The following SYN2 variants were observed in gnomAD, a reference collection of about 807,000 sequenced individuals.
SYN2 encodes the protein synapsin II.
SYN2 carries 19 observed loss-of-function variants against 50.9 expected under a neutral mutation model. The ratio of observed to expected loss-of-function variants is 0.37; its 90% CI spans 0.26 to 0.55. The LOEUF (loss-of-function observed/expected upper bound fraction) is 0.55. SYN2 is among the 20% of genes least tolerant of loss of function. SYN2 has a pLI of 0.81. For synonymous variants in SYN2, 255 were observed against 224.9 expected (o/e 1.13, Z -1.20); for missense variants, 587 against 576.4 (o/e 1.02, Z -0.19).
intron 1 of SYN2, among the ~76,000 whole-genome samples, chr3:12,050,116 G>T (rs1247088743): frequency 6.6e-6 from 1 of 151,808 alleles, no homozygotes; most frequent in Non-Finnish European, 1.5e-5. Context: ...GGTCAGGCTG[G>T]TCTCGAACTC....
intron 1 of SYN2, among the ~76,000 whole-genome samples, chr3:12,119,070 C>T (rs73813128): frequency 0.079 from 12,061 of 152,172 alleles, 586 homozygotes; most frequent in African/African-American, 0.13. Context: ...TTCACAAACT[C>T]CATTTTTCCT....
At chr3:12,035,226 G>A (rs1694472644) in intron 1 of SYN2, among the ~76,000 whole-genome samples, 1 of 152,142 alleles carries the variant, frequency 6.6e-6, no homozygotes, top group African/African-American at 2.4e-5. Context: ...TCTGGGTCAG[G>A]GACTGGGCCC....
intron 1 of SYN2, among the ~76,000 whole-genome samples, chr3:12,038,964 G>A (rs1694556972): frequency 6.6e-6 from 1 of 152,140 alleles, no homozygotes; most frequent in South Asian, 2.1e-4. Context: ...GAAGTTGAGA[G>A]AATGGATATC....
intron 1 of SYN2, among the ~76,000 whole-genome samples, chr3:12,128,589 G>A (rs373462554): frequency 6.6e-6 from 1 of 152,138 alleles, no homozygotes; most frequent in Non-Finnish European, 1.5e-5. Flanking sequence ...ATATTATCAT[G>A]TGAATAAAAT....
intron 1 of SYN2, among the ~76,000 whole-genome samples, chr3:12,068,607 G>C (rs892085180): frequency 1.4e-4 from 22 of 152,016 alleles, no homozygotes; most frequent in Non-Finnish European, 1.5e-5. Context: ...TCTCTTTTTA[G>C]AACTATTATT....
At chr3:12,088,301 A>G (rs1695754419) in intron 1 of SYN2, among the ~76,000 whole-genome samples, 2 of 152,240 alleles carry the variant, frequency 1.3e-5, no homozygotes, top group South Asian at 4.1e-4. Context: ...CAATAGATAT[A>G]TGAATAAATG....
chr3:12,187,460 C>T lies in SYN2; in HGVS notation c.1461C>T (p.Ser487=), dbSNP rs778828311. The change falls in exon 12 of 13, where the codon TCC becomes TCT. Residue 487 remains serine, a synonymous_variant. Coordinates refer to ENST00000621198, the MANE Select transcript of SYN2 (RefSeq NM_133625.6). The part of the protein sequence containing the change: ...LPPGPSLPPS[S]SSSSSSSSSA... ...CTGGACCATCACTGCCACCTTCCTC[C>T]TCTTCCTCCTCTTCTTCCTCCTCCT... 49 of 1,552,976 alleles carry T rather than the reference C, an allele frequency of 3.2e-5. No individual in the cohort carries two copies. The highest frequency in any genetic ancestry group is 3.1e-4 in the Admixed American group (16 of 51,194).
At position 12,160,042 on chromosome 3, in the gene SYN2, CAAAAAA is replaced by C. The variant is rs3079818; in HGVS notation, c.775-1485_775-1480del. 7.8e-3 allele frequency among the ~76,000 whole-genome samples: 525 copies of C among 67,620 alleles called. 1 individual carries two copies. Among genetic ancestry groups the C allele is most frequent in the African/African-American group, 0.03 (471 of 15,866 alleles). The allele number at this position is 67,620 out of a possible 152,430, so 44.4% of individuals were successfully genotyped here. ...TGGGCGACAGAGTGAGACTCCGTCT[CAAAAAA>C]AAAAAAAAAAAAAAAAAAGTAAAAG... On this transcript the variant is annotated intron_variant, in intron 5 of 12. Coordinates refer to ENST00000621198, the MANE Select transcript of SYN2 (RefSeq NM_133625.6).
intron 1 of SYN2, among the ~76,000 whole-genome samples, chr3:12,105,049 A>G (rs1696156648): frequency 6.6e-6 from 1 of 152,212 alleles, no homozygotes; most frequent in South Asian, 2.1e-4. Flanking sequence ...TTTGAAACCC[A>G]TCCATTTTTT....
At chr3:12,144,424 A>C (rs1273720702) in intron 3 of SYN2, among the ~76,000 whole-genome samples, 3 of 152,154 alleles carry the variant, frequency 2.0e-5, no homozygotes, top group African/African-American at 2.4e-5. Context: ...GAGCAGCTTT[A>C]AGGAGTCAGA....
chr3:12,131,420 G>T (rs1049588657), intron 1 of SYN2, among the ~76,000 whole-genome samples: 7 of 152,078 alleles, frequency 4.6e-5, no homozygotes, highest in African/African-American at 1.7e-4. Flanking sequence ...TTACATATCT[G>T]GCATAAAATA....
intron 10 of SYN2, among the ~76,000 whole-genome samples, chr3:12,171,755 G>T (rs1348339510): frequency 2.6e-5 from 4 of 152,104 alleles, no homozygotes; most frequent in Non-Finnish European, 5.9e-5. Context: ...AAAGTTAAAG[G>T]TTGAACACAC....
At chr3:12,015,977 T>C (rs1309743764) in intron 1 of SYN2, among the ~76,000 whole-genome samples, 1 of 152,250 alleles carries the variant, frequency 6.6e-6, no homozygotes, top group African/African-American at 2.4e-5. Flanking sequence ...GATTTAATCC[T>C]GTACAAAGAG....
At chr3:12,044,381 A>C (rs1225141026) in intron 1 of SYN2, among the ~76,000 whole-genome samples, 1 of 152,176 alleles carries the variant, frequency 6.6e-6, no homozygotes, top group Non-Finnish European at 1.5e-5. Flanking sequence ...AGGATATTGA[A>C]AGATTTGAAA....
Position 12,190,767 on chromosome 3 carries a change from T to C in SYN2, c.*142T>C, listed in dbSNP as rs1456615158. 6.3e-6 allele frequency: 9 copies of C among 1,428,568 alleles called. No homozygotes were observed. Among genetic ancestry groups the C allele is most frequent in the South Asian group, 1.6e-5 (1 of 62,436 alleles). The allele number at this position is 1,428,568 out of a possible 1,614,324, so 88.5% of individuals were successfully genotyped here. A position where few individuals can be genotyped will look rare whatever the true frequency, so the allele number is the denominator to read the frequency against. On this transcript the variant is annotated 3_prime_UTR_variant, in exon 13 of 13. Coordinates refer to ENST00000621198, the MANE Select transcript of SYN2 (RefSeq NM_133625.6). ...CTCTGCTCTGTTGTACTAAGTGATG[T>C]TGTGCAGCCCAGAAAGGACCATTTG...
At chr3:12,097,160 C>T (rs1021392758) in intron 1 of SYN2, among the ~76,000 whole-genome samples, 3 of 152,174 alleles carry the variant, frequency 2.0e-5, no homozygotes, top group Admixed American at 1.3e-4. Flanking sequence ...TCAGCCATCC[C>T]ATTACTGGGT....
chr3:12,118,403 T>C (rs1395950612), intron 1 of SYN2, among the ~76,000 whole-genome samples: 1 of 152,070 alleles, frequency 6.6e-6, no homozygotes, highest in Non-Finnish European at 1.5e-5. Flanking sequence ...TCTCTAAAAA[T>C]ACGTGAATGA....
At chr3:12,012,908 C>G (rs1182007029) in intron 1 of SYN2, among the ~76,000 whole-genome samples, 1 of 152,170 alleles carries the variant, frequency 6.6e-6, no homozygotes, top group African/African-American at 2.4e-5. Flanking sequence ...ATCACTCTTC[C>G]AAACATGAAA....
At chr3:12,177,536 C>T (rs1311504910) in intron 10 of SYN2, among the ~76,000 whole-genome samples, 1 of 152,060 alleles carries the variant, frequency 6.6e-6, no homozygotes, top group South Asian at 2.1e-4. Flanking sequence ...GTCTCTGATC[C>T]CCGGCATGGG....
Sources: allele counts gnomAD v4.1 joint callset (sites outside exome capture counted in the v4.1 genomes callset), GRCh38; gene constraint gnomAD v4.1.1; transcripts MANE v1.5; gene names NCBI Gene and HGNC (gene_info 2026-07-23, HGNC 2026-07-21).